The following ALDH1A1 variants were observed in gnomAD, a reference collection of about 807,000 sequenced individuals.
The protein encoded by ALDH1A1 is aldehyde dehydrogenase 1 family member A1, also known as aldehyde dehydrogenase 1A1.
In ALDH1A1, 19 loss-of-function variants were observed where a neutral mutation model predicts 62.1. The observed-to-expected ratio is 0.31, with a 90% CI of 0.21 to 0.45. The LOEUF (loss-of-function observed/expected upper bound fraction) is 0.45, where lower values mean the gene tolerates loss of function less well. ALDH1A1 is among the 20% of genes least tolerant of loss of function. The probability of loss-of-function intolerance (pLI) is 1.00; values close to 1 mark genes in which losing one functional copy is unlikely to be tolerated. For synonymous variants in ALDH1A1, 231 were observed against 215.9 expected, an observed-to-expected ratio of 1.07 and a Z score of -0.61; for missense variants, 521 against 607.1, an observed-to-expected ratio of 0.86 and a Z score of 1.49.
At chr9:72,947,339 T>C (rs990583826) in intron 1 of ALDH1A1, among the ~76,000 whole-genome samples, 1 of 151,968 alleles carries the variant, frequency 6.6e-6, no homozygotes, top group Non-Finnish European at 1.5e-5. Context: ...GTGAAGTAAC[T>C]GGAAGGTGGT....
chr9:72,909,898 C>T lies in ALDH1A1; in HGVS notation c.1201-139G>A, dbSNP rs1270389565. The T allele has an allele frequency of 4.6e-6, 3 of 648,552 alleles. No homozygotes were observed. In the East Asian group the frequency reaches 9.3e-5, roughly 20 times the overall value. The allele number at this position is 648,552 out of a possible 1,614,324, so 40.2% of individuals were successfully genotyped here. ...TCATCTCAAACCTATGTGTGAGAAT[C>T]CAAATAGGTAACTGCAAAAATGGTA... On this transcript the variant is annotated intron_variant, in intron 10 of 12. Coordinates refer to ENST00000297785, the MANE Select transcript of ALDH1A1 (RefSeq NM_000689.5).
At chr9:72,932,778 C>T (rs1268839638) in intron 2 of ALDH1A1, among the ~76,000 whole-genome samples, 1 of 152,140 alleles carries the variant, frequency 6.6e-6, no homozygotes, top group Non-Finnish European at 1.5e-5. Context: ...AAGCAAACCA[C>T]AAAAATCTGA....
chr9:72,933,615 A>C (rs1830311857), intron 2 of ALDH1A1, among the ~76,000 whole-genome samples: 1 of 66,164 alleles, frequency 1.5e-5, no homozygotes, highest in Non-Finnish European at 3.0e-5. Flanking sequence ...AAAAAAAAAG[A>C]AAAAGCAAGA....
intron 1 of ALDH1A1, among the ~76,000 whole-genome samples, chr9:72,941,696 C>T (rs527671353): frequency 1.2e-4 from 19 of 152,228 alleles, no homozygotes; most frequent in Non-Finnish European, 1.9e-4. Flanking sequence ...AGATCTATAA[C>T]GTTCTGCAAA....
Position 72,916,915 on chromosome 9 carries a change from C to T in ALDH1A1, c.1035+5G>A, listed in dbSNP as rs1354831704. 2.5e-6 allele frequency: 4 copies of T among 1,600,264 alleles called. No individual in the cohort carries two copies. The highest frequency in any genetic ancestry group is 3.4e-6 in the Non-Finnish European group (4 of 1,173,138). On this transcript the variant is annotated splice_donor_5th_base_variant and intron_variant, in intron 9 of 12. Transcript: ENST00000297785. ...AAAATGCTATCCTTTCTATTTTATA[C>T]TTACCTGAGGGCCTTGAGTGACTCC...
chr9:72,912,005 T>C lies in ALDH1A1; in HGVS notation c.1153A>G (p.Thr385Ala). Residue 385 changes from threonine to alanine, a missense_variant, in exon 10 of 13, where the codon ACA becomes GCA. By Grantham distance (58) the Thr-to-Ala change is moderately conservative (BLOSUM62 0). Coordinates refer to ENST00000297785, the MANE Select transcript of ALDH1A1 (RefSeq NM_000689.5). ...TCATCTGTAACATTAGAGAACACTG[T>C]GGGCTGGACAAAGTAGCCTTTATTC... ...WGNKGYFVQPTVFSNVTDEMR... is the reference protein window; with the variant it reads ...WGNKGYFVQPAVFSNVTDEMR... The C allele has an allele frequency of 1.2e-6, 2 of 1,614,022 alleles. No homozygotes were observed. The highest frequency in any genetic ancestry group is 8.5e-7 in the Non-Finnish European group (1 of 1,179,920).
chr9:72,923,598 T>C (rs1830167944), intron 7 of ALDH1A1, among the ~76,000 whole-genome samples: 1 of 152,102 alleles, frequency 6.6e-6, no homozygotes, highest in Non-Finnish European at 1.5e-5. Context: ...CTGGCTCTCT[T>C]TCACAGTGTC....
chr9:72,908,583 GAA>G (rs1310285541), intron 11 of ALDH1A1, among the ~76,000 whole-genome samples: 1 of 129,100 alleles, frequency 7.7e-6, no homozygotes, highest in Non-Finnish European at 1.7e-5. Flanking sequence ...AAGAAAGAAA[GAA>G]AGAAAGAAAG....
At chr9:72,927,031 CATCT>C (rs1830220477) in intron 5 of ALDH1A1, 81 bp downstream of exon 5, 16 of 952,510 alleles carry the variant, frequency 1.7e-5, no homozygotes, top group Non-Finnish European at 2.4e-5. Flanking sequence ...CATAAGCATC[CATCT>C]GTTTTAGAGA....
At chr9:72,940,011 A>C in intron 2 of ALDH1A1, 137 bp downstream of exon 2, 1 of 563,014 alleles carries the variant, frequency 1.8e-6, no homozygotes, top group Non-Finnish European at 3.1e-6. Context: ...AGGACAACTT[A>C]GACAATTTTC....
At chr9:72,943,367 A>G (rs1293226331) in intron 1 of ALDH1A1, among the ~76,000 whole-genome samples, 1 of 152,096 alleles carries the variant, frequency 6.6e-6, no homozygotes, top group Non-Finnish European at 1.5e-5. Context: ...ACTTTTTTGT[A>G]AAAGAATTAT....
chr9:72,951,182 G>A (rs1227107270), intron 1 of ALDH1A1, among the ~76,000 whole-genome samples: 1 of 151,842 alleles, frequency 6.6e-6, no homozygotes, highest in African/African-American at 2.4e-5. Context: ...TGGACACTTA[G>A]GTCAGTCACT....
chr9:72,946,290 A>C (rs764373149), intron 1 of ALDH1A1, among the ~76,000 whole-genome samples: 85 of 152,008 alleles, frequency 5.6e-4, no homozygotes, highest in Non-Finnish European at 7.2e-4. Context: ...CATCTAAAAA[A>C]GTATCGATAG....
chr9:72,915,644 G>A (rs933968707), intron 9 of ALDH1A1, among the ~76,000 whole-genome samples: 7 of 152,092 alleles, frequency 4.6e-5, no homozygotes, highest in Admixed American at 1.3e-4. Context: ...CTCACTTGCC[G>A]CTTATTTTAG....
rs776612851 is a variant in ALDH1A1 at position 72,914,261 on chromosome 9, G to T, written c.1036-2139C>A. 5.3e-5 allele frequency among the ~76,000 whole-genome samples: 8 copies of T among 152,264 alleles called. No individual in the cohort carries two copies. The South Asian group carries it at 6.2e-4, about 12-fold the overall frequency. On this transcript the variant is annotated intron_variant, in intron 9 of 12. Coordinates refer to ENST00000297785, the MANE Select transcript of ALDH1A1 (RefSeq NM_000689.5). ...ATTCAGAAACCATGTATCAACAAAA[G>T]CAATGAATAGATATAGAAGTAATTG...
At chr9:72,912,718 A>G (rs1830007750) in intron 9 of ALDH1A1, among the ~76,000 whole-genome samples, 1 of 152,100 alleles carries the variant, frequency 6.6e-6, no homozygotes, top group Non-Finnish European at 1.5e-5. Flanking sequence ...TCTGCTTCCA[A>G]TTTCTGGCCT....
chr9:72,942,358 C>A (rs1830424440), intron 1 of ALDH1A1: 1 of 985,356 alleles, frequency 1.0e-6, no homozygotes, highest in African/African-American at 1.7e-5. Flanking sequence ...AGTTCTGAAG[C>A]TTGCTCATGC....
At chr9:72,947,608 C>G (rs1318782062) in intron 1 of ALDH1A1, among the ~76,000 whole-genome samples, 1 of 151,926 alleles carries the variant, frequency 6.6e-6, no homozygotes, top group East Asian at 1.9e-4. Flanking sequence ...TTATTTACTT[C>G]AGATTTTTTT....
At chr9:72,906,097 A>G in intron 11 of ALDH1A1, 65 bp from the exon 12 acceptor site, 12 of 1,294,102 alleles carry the variant, frequency 9.3e-6, no homozygotes, top group Non-Finnish European at 1.1e-5. Flanking sequence ...CCTTTTTGGC[A>G]GTTTTAGAAA....
Sources: gnomAD v4.1 joint callset for allele counts (sites outside exome capture counted in the v4.1 genomes callset) on GRCh38, gnomAD v4.1.1 for gene constraint, MANE v1.5 for transcripts, NCBI Gene and HGNC (gene_info 2026-07-23, HGNC 2026-07-21) for gene names.